Variants in MAPKAP1 observed in about 807,000 individuals in gnomAD.
MAPKAP1 encodes MAPK associated protein 1, also known as target of rapamycin complex 2 subunit MAPKAP1.
In MAPKAP1, 20 loss-of-function variants were observed where a neutral mutation model predicts 65.7. That is an observed-to-expected ratio of 0.30 (90% CI 0.21 to 0.44). The LOEUF (loss-of-function observed/expected upper bound fraction) is 0.44. MAPKAP1 is among the 20% of genes least tolerant of loss of function. The pLI is 1.00. For missense variants in MAPKAP1, 423 were observed against 648.0 expected (o/e 0.65, Z 3.77); for synonymous variants, 222 against 244.3 (o/e 0.91, Z 0.85).
chr9:125,691,680 C>A (rs1274980855), intron 1 of MAPKAP1, among the ~76,000 whole-genome samples: 1 of 151,458 alleles, frequency 6.6e-6, no homozygotes, highest in Non-Finnish European at 1.5e-5. Flanking sequence ...AAAACAGAAG[C>A]TGGAAAAAAA....
chr9:125,552,510 T>C (rs1204163043), intron 6 of MAPKAP1, among the ~76,000 whole-genome samples: 5 of 152,228 alleles, frequency 3.3e-5, no homozygotes, highest in African/African-American at 7.2e-5. Flanking sequence ...ATTTCTTTTA[T>C]ATGCAGAAAC....
At chr9:125,652,258 C>T (rs748717001) in intron 4 of MAPKAP1, 1 of 1,249,568 alleles carries the variant, frequency 8.0e-7, no homozygotes, top group Non-Finnish European at 1.0e-6. Flanking sequence ...TGGAACAATG[C>T]TGAAACAAGA....
chr9:125,524,596 G>A (rs957902054), intron 7 of MAPKAP1, among the ~76,000 whole-genome samples: 25 of 152,330 alleles, frequency 1.6e-4, no homozygotes, highest in African/African-American at 5.8e-4. Context: ...TAAAAGCAAT[G>A]GGAAAAATGG....
intron 4 of MAPKAP1, among the ~76,000 whole-genome samples, chr9:125,612,875 GA>G (rs1247844265): frequency 2.6e-5 from 4 of 152,228 alleles, no homozygotes; most frequent in African/African-American, 9.6e-5. Flanking sequence ...GAGGCAGGAA[GA>G]AACACATCTA....
At chr9:125,521,137 C>T (rs1321691688) in intron 7 of MAPKAP1, among the ~76,000 whole-genome samples, 3 of 152,144 alleles carry the variant, frequency 2.0e-5, no homozygotes, top group Non-Finnish European at 2.9e-5. Context: ...TGGACAGGAG[C>T]CTCATATATG....
At chr9:125,607,767 T>A (rs1832482106) in intron 4 of MAPKAP1, among the ~76,000 whole-genome samples, 1 of 152,238 alleles carries the variant, frequency 6.6e-6, no homozygotes, top group African/African-American at 2.4e-5. Context: ...GCGATTCTCC[T>A]GCCTCAGCCT....
chr9:125,676,398 A>G (rs1034059876), intron 1 of MAPKAP1, among the ~76,000 whole-genome samples: 5 of 152,242 alleles, frequency 3.3e-5, no homozygotes, highest in South Asian at 2.1e-4. Context: ...TACATGGTAG[A>G]GGGTGAACAA....
At chr9:125,625,608 A>G (rs1200487010) in intron 4 of MAPKAP1, among the ~76,000 whole-genome samples, 6 of 152,190 alleles carry the variant, frequency 3.9e-5, no homozygotes, top group Admixed American at 3.9e-4. Flanking sequence ...TAGCCTGGCC[A>G]ACATGGTGAA....
chr9:125,705,583 TTATCTC>T (rs1261643637), intron 1 of MAPKAP1, among the ~76,000 whole-genome samples: 8 of 152,220 alleles, frequency 5.3e-5, no homozygotes, highest in Non-Finnish European at 8.8e-5. Flanking sequence ...AATCTTATAT[TTATCTC>T]TAATTGCCTA....
chr9:125,687,315 C>CA (rs1311669154), intron 1 of MAPKAP1, among the ~76,000 whole-genome samples: 2 of 152,082 alleles, frequency 1.3e-5, no homozygotes, highest in Non-Finnish European at 2.9e-5. Context: ...GTTGCTGTCA[C>CA]AGGCTATGGA....
intron 3 of MAPKAP1, among the ~76,000 whole-genome samples, chr9:125,658,796 G>A (rs2131757033): frequency 6.6e-6 from 1 of 152,236 alleles, no homozygotes; most frequent in East Asian, 1.9e-4. Context: ...GATGATAAGC[G>A]GCTATGAAGA....
intron 4 of MAPKAP1, among the ~76,000 whole-genome samples, chr9:125,586,624 T>C (rs898320453): frequency 9.2e-5 from 14 of 152,122 alleles, no homozygotes; most frequent in Non-Finnish European, 1.9e-4. Flanking sequence ...CCTTGTTCTC[T>C]TGAGACCCAG....
At chr9:125,625,774 G>C (rs764744924) in intron 4 of MAPKAP1, among the ~76,000 whole-genome samples, 4 of 152,082 alleles carry the variant, frequency 2.6e-5, no homozygotes, top group Non-Finnish European at 5.9e-5. Flanking sequence ...CAGCCTGTGT[G>C]ACAGAGTGAG....
intron 4 of MAPKAP1, among the ~76,000 whole-genome samples, chr9:125,650,888 TAACATGAAGCAACAGC>T (rs1833873768): frequency 1.3e-5 from 2 of 152,216 alleles, no homozygotes; most frequent in South Asian, 4.1e-4. Flanking sequence ...ATTTTCAGTA[TAACATGAAGCAACAGC>T]AACAGGAGAG....
intron 1 of MAPKAP1, among the ~76,000 whole-genome samples, chr9:125,680,238 G>C (rs530174834): frequency 6.6e-6 from 1 of 152,078 alleles, no homozygotes; most frequent in Non-Finnish European, 1.5e-5. Flanking sequence ...GATTACAAGT[G>C]AGGGGAGAAA....
chr9:125,691,992 G>T (rs901159970), intron 1 of MAPKAP1, among the ~76,000 whole-genome samples: 2 of 152,200 alleles, frequency 1.3e-5, no homozygotes, highest in Non-Finnish European at 2.9e-5. Flanking sequence ...GCTGCTTCCA[G>T]CCCAGAGCAG....
At chr9:125,626,110 T>C (rs1833111260) in intron 4 of MAPKAP1, among the ~76,000 whole-genome samples, 1 of 152,250 alleles carries the variant, frequency 6.6e-6, no homozygotes, top group Non-Finnish European at 1.5e-5. Context: ...AACTATTCTA[T>C]CTATTCTATA....
rs1231519320 is a variant in MAPKAP1, at chr9:125,437,526, G to A, written c.*1361C>T. 2 of 152,532 alleles carry A rather than the reference G, an allele frequency of 1.3e-5. No homozygotes were observed. Among genetic ancestry groups the A allele is most frequent in the African/African-American group, 4.8e-5 (2 of 41,418 alleles). The allele number at this position is 152,532 out of a possible 1,614,324, so 9.4% of individuals were successfully genotyped here. A position where few individuals can be genotyped will look rare whatever the true frequency, so the allele number is the denominator to read the frequency against. ...ATTGCTAAAAATTCAAATACAGATA[G>A]CAAGCTACAAATATTTCTTTTGTTT... is the stretch of plus-strand genomic sequence containing the variant. On this transcript the variant is annotated 3_prime_UTR_variant, in exon 12 of 12. Coordinates refer to ENST00000265960, the MANE Select transcript of MAPKAP1 (RefSeq NM_001006617.3).
intron 8 of MAPKAP1, among the ~76,000 whole-genome samples, chr9:125,485,939 A>C (rs61111902): frequency 0.09 from 13,729 of 152,140 alleles, 1,194 homozygotes; most frequent in African/African-American, 0.23. Context: ...TTTTTCTTCT[A>C]GTGTCAGGGT....
Sources: gnomAD v4.1 joint callset for allele counts (sites outside exome capture counted in the v4.1 genomes callset) on GRCh38, gnomAD v4.1.1 for gene constraint, MANE v1.5 for transcripts, NCBI Gene and HGNC (gene_info 2026-07-23, HGNC 2026-07-21) for gene names.